SDK1: variants seen among roughly 807,000 people sequenced by gnomAD.
SDK1 encodes the protein protein sidekick-1.
A neutral mutation model predicts 245.5 loss-of-function variants in SDK1; 157 were observed. The observed-to-expected ratio is 0.64, with a 90% CI of 0.56 to 0.73. The LOEUF is 0.73. Among genes scored for constraint, SDK1 ranks in the 30% least tolerant of loss-of-function variants. The pLI, the probability that SDK1 is intolerant of heterozygous loss-of-function variation, is 0.00. For missense variants in SDK1, 3,583 were observed against 3,002.3 expected (o/e 1.19, Z -4.52); for synonymous variants, 1,647 against 1,278.5 (o/e 1.29, Z -6.15).
chr7:3,428,616 A>G (rs1418651920), intron 1 of SDK1, among the ~76,000 whole-genome samples: 1 of 152,230 alleles, frequency 6.6e-6, no homozygotes, highest in Non-Finnish European at 1.5e-5. Flanking sequence ...ATTTAGGTCC[A>G]TAGCCCTATA....
At chr7:3,626,967 G>T (rs944641823) in intron 2 of SDK1, among the ~76,000 whole-genome samples, 1 of 151,148 alleles carries the variant, frequency 6.6e-6, no homozygotes, top group Non-Finnish European at 1.5e-5. Flanking sequence ...TTGCTTTGTT[G>T]CCCACGCTGG....
chr7:4,011,526 C>T (rs181927837), intron 15 of SDK1, among the ~76,000 whole-genome samples: 5 of 152,308 alleles, frequency 3.3e-5, no homozygotes, highest in East Asian at 3.9e-4. Context: ...TCTGCAGAGG[C>T]GTCGCATTCC....
At chr7:3,374,413 T>G (rs1042411155) in intron 1 of SDK1, among the ~76,000 whole-genome samples, 2 of 152,196 alleles carry the variant, frequency 1.3e-5, no homozygotes, top group Non-Finnish European at 2.9e-5. Context: ...AATCGTGTAC[T>G]TGTCAAGTCT....
At chr7:4,207,393 G>T (rs1054331638) in intron 36 of SDK1, among the ~76,000 whole-genome samples, 1 of 152,168 alleles carries the variant, frequency 6.6e-6, no homozygotes, top group African/African-American at 2.4e-5. Flanking sequence ...GTCTAGGGAA[G>T]CAATTCTGGC....
At chr7:3,440,622 ATG>A (rs1780167648) in intron 1 of SDK1, among the ~76,000 whole-genome samples, 1 of 152,186 alleles carries the variant, frequency 6.6e-6, no homozygotes, top group Admixed American at 6.5e-5. Context: ...GGCAATTAGG[ATG>A]TGCCAGAGAG....
chr7:3,495,088 T>A (rs1781983745), intron 1 of SDK1, among the ~76,000 whole-genome samples: 1 of 152,060 alleles, frequency 6.6e-6, no homozygotes, highest in Non-Finnish European at 1.5e-5. Flanking sequence ...CCTGTCTTGG[T>A]TGATGACAGA....
chr7:3,348,494 A>G (rs201217385), intron 1 of SDK1, among the ~76,000 whole-genome samples: 3 of 87,560 alleles, frequency 3.4e-5, no homozygotes, highest in African/African-American at 1.0e-4. Flanking sequence ...GGAGAACTAA[A>G]CATCGAGTGC....
At chr7:3,506,986 T>G (rs1297069887) in intron 1 of SDK1, among the ~76,000 whole-genome samples, 2 of 152,180 alleles carry the variant, frequency 1.3e-5, no homozygotes, top group Non-Finnish European at 2.9e-5. Context: ...TGTTTTTATT[T>G]TTGTGGGAAG....
At chr7:3,606,937 C>CA (rs1172037768) in intron 1 of SDK1, among the ~76,000 whole-genome samples, 2 of 152,026 alleles carry the variant, frequency 1.3e-5, no homozygotes, top group African/African-American at 2.4e-5. Context: ...TACAAACCTT[C>CA]AAAAATCTAT....
At chr7:4,161,890 A>C (rs769249109) in intron 32 of SDK1, 34 bp downstream of exon 32, 5 of 1,580,846 alleles carry the variant, frequency 3.2e-6, no homozygotes, top group South Asian at 2.2e-5. Context: ...CGTTTTGTCA[A>C]ATGTGTTCTC....
intron 29 of SDK1, among the ~76,000 whole-genome samples, chr7:4,146,994 G>A (rs964038733): frequency 8.5e-5 from 13 of 152,156 alleles, no homozygotes; most frequent in Non-Finnish European, 1.5e-4. Context: ...TGGGCTCCGC[G>A]CATGTCCTCG....
At chr7:3,984,645 C>A (rs562550129) in intron 13 of SDK1, among the ~76,000 whole-genome samples, 3 of 152,234 alleles carry the variant, frequency 2.0e-5, no homozygotes, top group African/African-American at 7.2e-5. Flanking sequence ...GGCTGTACAA[C>A]CCTCTCCTGC....
In SDK1 at chr7:3,410,523, A is replaced by G. The variant is rs146359553; in HGVS notation, c.298+108639A>G. Among the ~76,000 whole-genome samples the G allele has an allele frequency of 3.1e-3, 469 of 151,424 alleles. 4 individuals carry two copies. The highest frequency in any genetic ancestry group is 0.011 in the African/African-American group (450 of 41,160). ...TATGGGGGAAGCTGTGACTGGAGCAATGTAACTACTCTGCCAAAGGTTGCA... is the reference window on the plus strand; with the variant it reads ...TATGGGGGAAGCTGTGACTGGAGCAGTGTAACTACTCTGCCAAAGGTTGCA... On this transcript the variant is annotated intron_variant, in intron 1 of 44. Transcript: ENST00000404826.
At chr7:3,984,070 G>C (rs1429388292) in intron 13 of SDK1, among the ~76,000 whole-genome samples, 2 of 152,158 alleles carry the variant, frequency 1.3e-5, no homozygotes, top group African/African-American at 4.8e-5. Flanking sequence ...TCAGGCTGTT[G>C]CGACCGTTTT....
At chr7:3,817,776 C>G (rs1039385608) in intron 4 of SDK1, among the ~76,000 whole-genome samples, 1 of 152,212 alleles carries the variant, frequency 6.6e-6, no homozygotes, top group Non-Finnish European at 1.5e-5. Context: ...CCTCGGATTT[C>G]ATCTTTTCTG....
chr7:3,822,627 G>T (rs550072343), intron 5 of SDK1, among the ~76,000 whole-genome samples: 1 of 152,188 alleles, frequency 6.6e-6, no homozygotes, highest in Non-Finnish European at 1.5e-5. Flanking sequence ...AAATTAGCAG[G>T]CATGGTGGTA....
chr7:4,089,006 C>T (rs897741001), intron 22 of SDK1, among the ~76,000 whole-genome samples: 7 of 151,170 alleles, frequency 4.6e-5, no homozygotes, highest in Non-Finnish European at 7.4e-5. Flanking sequence ...GAGGTGAGAC[C>T]CTTGTGGGCA....
intron 5 of SDK1, among the ~76,000 whole-genome samples, chr7:3,914,022 A>G (rs1430909159): frequency 6.6e-6 from 1 of 152,192 alleles, no homozygotes; most frequent in East Asian, 1.9e-4. Flanking sequence ...GCCCTATTAT[A>G]AAGGAAGAAG....
intron 1 of SDK1, among the ~76,000 whole-genome samples, chr7:3,343,700 CTG>C (rs1265260587): frequency 1.4e-5 from 2 of 144,230 alleles, no homozygotes; most frequent in African/African-American, 5.4e-5. Context: ...GCTTGTGAAT[CTG>C]TAATTATCTC....
Sources: gnomAD v4.1 joint callset for allele counts (sites outside exome capture counted in the v4.1 genomes callset) on GRCh38, gnomAD v4.1.1 for gene constraint, MANE v1.5 for transcripts, NCBI Gene and HGNC (gene_info 2026-07-23, HGNC 2026-07-21) for gene names.